Variants in CNIH3 observed in about 807,000 individuals in gnomAD.
The protein encoded by CNIH3 is cornichon family AMPA receptor auxiliary protein 3, also known as protein cornichon homolog 3.
In CNIH3, 14 loss-of-function variants were observed where a neutral mutation model predicts 24.1. The observed-to-expected ratio is 0.58, with a 90% CI of 0.38 to 0.91. CNIH3 has a LOEUF of 0.91. Ranked by LOEUF, CNIH3 falls within the 40% of genes least tolerant of loss-of-function variation. The pLI is 0.00. For missense variants in CNIH3, 178 were observed against 196.8 expected (o/e 0.90, Z 0.57); for synonymous variants, 68 against 73.8 (o/e 0.92, Z 0.40).
chr1:224,484,045 C>T (rs1676926287), intron 1 of CNIH3, among the ~76,000 whole-genome samples: 1 of 151,922 alleles, frequency 6.6e-6, no homozygotes, highest in Non-Finnish European at 1.5e-5. Context: ...GTGGCGCGTG[C>T]CTGTAATCCC....
At chr1:224,668,566 C>T (rs1261026796) in intron 1 of CNIH3, among the ~76,000 whole-genome samples, 1 of 152,196 alleles carries the variant, frequency 6.6e-6, no homozygotes, top group Non-Finnish European at 1.5e-5. Flanking sequence ...TGCACATCCA[C>T]ACTTGGGTGC....
At chr1:224,686,405 A>AT (rs766803034) in intron 3 of CNIH3, among the ~76,000 whole-genome samples, 12 of 152,090 alleles carry the variant, frequency 7.9e-5, no homozygotes, top group Non-Finnish European at 1.5e-4. Context: ...CCAGTCTATC[A>AT]TTTATGGGCA....
intron 1 of CNIH3, among the ~76,000 whole-genome samples, chr1:224,510,222 A>C (rs1015746468): frequency 3.3e-5 from 5 of 152,126 alleles, no homozygotes; most frequent in African/African-American, 1.2e-4. Context: ...GGGGGAGCAG[A>C]GGTAGAAGAA....
At chr1:224,526,224 C>G (rs182398651) in intron 2 of CNIH3, among the ~76,000 whole-genome samples, 1 of 152,194 alleles carries the variant, frequency 6.6e-6, no homozygotes, top group African/African-American at 2.4e-5. Flanking sequence ...TAGGTGCTTT[C>G]TAGGGTCTGA....
downstream of CNIH3, among the ~76,000 whole-genome samples, chr1:224,591,669 T>A (rs978493016): frequency 2.0e-5 from 3 of 152,204 alleles, no homozygotes; most frequent in Non-Finnish European, 4.4e-5. Context: ...AGGCTCAAGC[T>A]GTCAGGTTCC....
At chr1:224,482,279 C>A (rs1462079540) in intron 1 of CNIH3, among the ~76,000 whole-genome samples, 1 of 152,082 alleles carries the variant, frequency 6.6e-6, no homozygotes, top group African/African-American at 2.4e-5. Context: ...CCTCTTTATT[C>A]TTTCCTCTGC....
intron 1 of CNIH3, among the ~76,000 whole-genome samples, chr1:224,665,302 G>C (rs1214387430): frequency 1.3e-5 from 2 of 152,200 alleles, no homozygotes; most frequent in Admixed American, 6.5e-5. Context: ...AGACAGTCTG[G>C]TGTAGAGAAG....
At chr1:224,451,957 G>T (rs1216889481) in intron 1 of CNIH3, among the ~76,000 whole-genome samples, 1 of 152,104 alleles carries the variant, frequency 6.6e-6, no homozygotes, top group Non-Finnish European at 1.5e-5. Flanking sequence ...GTTCATAGTG[G>T]CTTCTGCTTC....
chr1:224,676,872 G>A (rs1449975122), intron 1 of CNIH3, among the ~76,000 whole-genome samples: 1 of 152,240 alleles, frequency 6.6e-6, no homozygotes, highest in Non-Finnish European at 1.5e-5. Flanking sequence ...TTAGTGCTAA[G>A]TGGGGGGTAG....
In CNIH3 at chr1:224,607,207, G is replaced by C. The variant is rs375098244; in HGVS notation, n.402+40943G>C. ...GGCCCTTGGACCTTTCCAATGGTAA[G>C]TGCTGTAAATAAAAGAAAATGGTGG... On this transcript the variant is annotated intron_variant and non_coding_transcript_variant, in intron 3 of 7. Coordinates refer to the CNIH3 transcript ENST00000478120. Among the ~76,000 whole-genome samples, 6 of 152,344 alleles carry C rather than the reference G, an allele frequency of 3.9e-5. No individual in the cohort carries two copies. The East Asian group carries it at 1.2e-3, about 29-fold the overall frequency.
intron 1 of CNIH3, among the ~76,000 whole-genome samples, chr1:224,457,740 A>G (rs1200220025): frequency 6.6e-6 from 1 of 152,190 alleles, no homozygotes. Context: ...GCACTCTGGA[A>G]GAATTAAACG....
At chr1:224,557,762 C>A (rs112396433) in intron 3 of CNIH3, among the ~76,000 whole-genome samples, 5,436 of 152,242 alleles carry the variant, frequency 0.036, 300 homozygotes, top group African/African-American at 0.12. Flanking sequence ...TGGCCCTCAA[C>A]CAGTTCTTAA....
At chr1:224,453,987 T>C (rs943777088) in intron 1 of CNIH3, among the ~76,000 whole-genome samples, 3 of 152,128 alleles carry the variant, frequency 2.0e-5, no homozygotes, top group African/African-American at 7.3e-5. Flanking sequence ...GTCTTAACTT[T>C]AGGCAGAATT....
chr1:224,611,884 C>G (rs1276386777), upstream of CNIH3, among the ~76,000 whole-genome samples: 1 of 152,180 alleles, frequency 6.6e-6, no homozygotes, highest in African/African-American at 2.4e-5. Context: ...TGACAGCGCC[C>G]AGAACTATGG....
At chr1:224,558,975 A>G (rs1680255496) in intron 3 of CNIH3, among the ~76,000 whole-genome samples, 1 of 152,218 alleles carries the variant, frequency 6.6e-6, no homozygotes, top group East Asian at 1.9e-4. Flanking sequence ...AATGTATTTG[A>G]GTGAAAAAGT....
At chr1:224,700,103 T>C (rs990265218) in intron 3 of CNIH3, among the ~76,000 whole-genome samples, 1 of 152,146 alleles carries the variant, frequency 6.6e-6, no homozygotes, top group Non-Finnish European at 1.5e-5. Flanking sequence ...CATTTCTGTA[T>C]ATAAGGTAGT....
intron 3 of CNIH3, among the ~76,000 whole-genome samples, chr1:224,597,619 G>C (rs1682039689): frequency 6.6e-6 from 1 of 152,112 alleles, no homozygotes; most frequent in Admixed American, 6.6e-5. Context: ...ACTTGTGGAG[G>C]GTCCTAGAGG....
Position 224,581,712 on chromosome 1 carries a change from G to T in CNIH3, n.517-1452G>T, listed in dbSNP as rs528245051. Among the ~76,000 whole-genome samples the T allele has an allele frequency of 2.6e-5, 4 of 152,288 alleles. No individual in the cohort carries two copies. In the South Asian group the frequency reaches 8.3e-4, roughly 32 times the overall value. ...GAGCCCATTATTTTGTTATTGATTGGTTGGCTTTTTAAAGGTGACAGGAAT... is the reference window on the plus strand; with the variant it reads ...GAGCCCATTATTTTGTTATTGATTGTTTGGCTTTTTAAAGGTGACAGGAAT... On this transcript the variant is annotated intron_variant and non_coding_transcript_variant, in intron 4 of 5. Transcript: ENST00000471578.
At chr1:224,491,184 T>C (rs1259412036) in intron 1 of CNIH3, among the ~76,000 whole-genome samples, 3 of 152,258 alleles carry the variant, frequency 2.0e-5, no homozygotes, top group Admixed American at 6.5e-5. Flanking sequence ...GTGTATTTAC[T>C]GAGCTGAGGA....
Sources: gnomAD v4.1 joint callset for allele counts (sites outside exome capture counted in the v4.1 genomes callset) on GRCh38, gnomAD v4.1.1 for gene constraint, MANE v1.5 for transcripts, NCBI Gene and HGNC (gene_info 2026-07-23, HGNC 2026-07-21) for gene names.